SPECC1L: variants seen among roughly 807,000 people sequenced by gnomAD.
SPECC1L encodes the protein sperm antigen with calponin homology and coiled-coil domains 1 like, also known as cytospin-A.
A neutral mutation model predicts 116.8 loss-of-function variants in SPECC1L; 40 were observed. That is an observed-to-expected ratio of 0.34 (90% confidence interval 0.27 to 0.45). SPECC1L has a LOEUF of 0.45. Ranked by LOEUF, SPECC1L falls within the 20% of genes least tolerant of loss-of-function variation. The pLI, the probability that SPECC1L is intolerant of heterozygous loss-of-function variation, is 1.00. For synonymous variants in SPECC1L, 504 were observed against 500.6 expected, an observed-to-expected ratio of 1.01 and a Z score of -0.09; for missense variants, 1,110 against 1,373.6, an observed-to-expected ratio of 0.81 and a Z score of 3.03.
chr22:24,334,521 G>A lies in SPECC1L; in HGVS notation c.2508G>A (p.Glu836=). 1 of 1,614,184 alleles carries A rather than the reference G, an allele frequency of 6.2e-7. No individual in the cohort carries two copies. Among genetic ancestry groups the A allele is most frequent in the Middle Eastern group, 1.6e-4 (1 of 6,062 alleles). Residue 836 remains glutamate, a synonymous_variant, in exon 9 of 17, where the codon GAG becomes GAA. Transcript: ENST00000314328. The stretch of plus-strand genomic sequence containing the variant: ...GTAGAAGGTCCTCGACTTCCTCAGA[G>A]CCAACTCCTACAGTAAAAACCCTCA... The part of the protein sequence containing the change: ...GLSRRSSTSS[E]PTPTVKTLIK...
Position 24,346,111 on chromosome 22 carries a change from AT to A in SPECC1L, c.2653-973del, listed in dbSNP as rs1393901075. 2.0e-5 allele frequency among the ~76,000 whole-genome samples: 3 copies of A among 150,974 alleles called. No homozygotes were observed. In the East Asian group the frequency reaches 5.9e-4, roughly 29 times the overall value. On this transcript the variant is annotated intron_variant, in intron 10 of 16. Coordinates refer to ENST00000314328, the MANE Select transcript of SPECC1L (RefSeq NM_015330.6). ...AACCTCCGCCTCTCGGCTTCAAGTG[AT>A]TCTCCTGCCTCAGCCTCCCAAGTAG...
chr22:24,322,895 C>G lies in SPECC1L; in HGVS notation c.1915C>G (p.Arg639Gly). Residue 639 changes from arginine to glycine, a missense_variant, in exon 5 of 17, where the codon CGA becomes GGA. Physicochemically the swap from Arg to Gly is moderately radical, Grantham distance 125 (BLOSUM62 -2). Around this residue, in one of 4 missense-constraint regions of SPECC1L, gnomAD observed 575 missense variants for 682.4 expected, o/e 0.84. Transcript: ENST00000314328. ...DLAHTRNDANRLQDAIAKVED... is the reference protein window; with the variant it reads ...DLAHTRNDANGLQDAIAKVED... The stretch of plus-strand genomic sequence containing the variant: ...GGCTCATACCCGAAATGATGCCAAT[C>G]GATTACAGGATGCCATTGCTAAGGT... 2 of 1,613,786 alleles carry G rather than the reference C, an allele frequency of 1.2e-6. No individual in the cohort carries two copies. Among genetic ancestry groups the G allele is most frequent in the South Asian group, 1.1e-5 (1 of 91,038 alleles).
intron 11 of SPECC1L, among the ~76,000 whole-genome samples, chr22:24,360,949 G>T (rs916825424): frequency 2.0e-5 from 3 of 152,130 alleles, no homozygotes; most frequent in Admixed American, 6.5e-5. Flanking sequence ...GCTTGCTTAT[G>T]GGTTGTTTAC....
At chr22:24,313,541 G>T (rs1353245350) in intron 4 of SPECC1L, 75 bp downstream of exon 4, 6 of 1,543,718 alleles carry the variant, frequency 3.9e-6, no homozygotes, top group Non-Finnish European at 5.4e-6. Context: ...TGTTTACAGT[G>T]TTCCATCTAA....
intron 1 of SPECC1L, among the ~76,000 whole-genome samples, chr22:24,272,990 C>T (rs138090154): frequency 4.7e-4 from 71 of 152,200 alleles, no homozygotes; most frequent in Non-Finnish European, 8.1e-4. Context: ...CACAGGTGCA[C>T]GTTGGTAGCC....
At chr22:24,346,938 C>G in intron 10 of SPECC1L, 148 bp from the exon 11 acceptor site, 1 of 699,122 alleles carries the variant, frequency 1.4e-6, no homozygotes, top group South Asian at 1.6e-5. Context: ...GATCACAGTC[C>G]ATGCCTGTAA....
intron 14 of SPECC1L, among the ~76,000 whole-genome samples, chr22:24,369,891 G>A (rs2041840632): frequency 6.6e-6 from 1 of 152,226 alleles, no homozygotes; most frequent in Admixed American, 6.5e-5. Flanking sequence ...AGGGAAACCT[G>A]TAGAATTCAT....
chr22:24,329,807 T>C (rs533190282), intron 7 of SPECC1L, among the ~76,000 whole-genome samples: 2 of 152,232 alleles, frequency 1.3e-5, no homozygotes, highest in East Asian at 3.8e-4. Flanking sequence ...CTTTTGATTT[T>C]TTTTTTTCCT....
intron 10 of SPECC1L, among the ~76,000 whole-genome samples, chr22:24,342,008 C>A (rs756898867): frequency 2.0e-5 from 3 of 152,194 alleles, no homozygotes; most frequent in Non-Finnish European, 2.9e-5. Context: ...AGGCACTCCG[C>A]TAAGCTTTCT....
At chr22:24,343,977 T>G (rs925147203) in intron 10 of SPECC1L, among the ~76,000 whole-genome samples, 2 of 152,136 alleles carry the variant, frequency 1.3e-5, no homozygotes, top group Non-Finnish European at 1.5e-5. Flanking sequence ...ATAAAAAGGC[T>G]TCCCACATAG....
At chr22:24,387,985 TC>T (rs2042192107) in intron 14 of SPECC1L, among the ~76,000 whole-genome samples, 2 of 152,298 alleles carry the variant, frequency 1.3e-5, no homozygotes, top group South Asian at 4.1e-4. Context: ...ATTGCATCAC[TC>T]TGACCATAGG....
intron 7 of SPECC1L, 67 bp from the exon 8 acceptor site, chr22:24,330,185 CAAAT>C: frequency 6.5e-7 from 1 of 1,529,446 alleles, no homozygotes; most frequent in East Asian, 2.2e-5. Context: ...CAATCATAAA[CAAAT>C]TTTATTGCTT....
At chr22:24,323,153 G>A (rs1387308273) in intron 5 of SPECC1L, 4 of 959,402 alleles carry the variant, frequency 4.2e-6, no homozygotes, top group Non-Finnish European at 5.0e-6. Context: ...GCCTGTGAGA[G>A]GATATGGCTG....
intron 6 of SPECC1L, among the ~76,000 whole-genome samples, chr22:24,327,175 G>A (rs752752231): frequency 6.6e-6 from 1 of 151,200 alleles, no homozygotes; most frequent in Non-Finnish European, 1.5e-5. Flanking sequence ...CTCCACAGGA[G>A]GCTGAGGCAG....
At chr22:24,307,021 A>G (rs757593831) in intron 3 of SPECC1L, among the ~76,000 whole-genome samples, 1 of 152,158 alleles carries the variant, frequency 6.6e-6, no homozygotes, top group African/African-American at 2.4e-5. Flanking sequence ...CATTGTATGT[A>G]TATGCTATAT....
intron 14 of SPECC1L, among the ~76,000 whole-genome samples, chr22:24,382,619 C>T (rs1334404906): frequency 6.8e-6 from 1 of 146,432 alleles, no homozygotes; most frequent in East Asian, 2.1e-4. Flanking sequence ...AAGAGAATGG[C>T]GTGAACCCAG....
intron 16 of SPECC1L, among the ~76,000 whole-genome samples, chr22:24,413,747 A>G (rs1012353895): frequency 4.6e-5 from 7 of 152,284 alleles, no homozygotes; most frequent in African/African-American, 1.4e-4. Flanking sequence ...AAAAGCTTCT[A>G]TAGTCAAGAT....
intron 2 of SPECC1L, among the ~76,000 whole-genome samples, chr22:24,284,118 C>T (rs2048997156): frequency 6.6e-6 from 1 of 152,046 alleles, no homozygotes; most frequent in African/African-American, 2.4e-5. Flanking sequence ...CTTCTCCATA[C>T]TTTGTGTTTC....
intron 4 of SPECC1L, among the ~76,000 whole-genome samples, chr22:24,318,529 G>A (rs1450381745): frequency 6.6e-6 from 1 of 152,212 alleles, no homozygotes; most frequent in African/African-American, 2.4e-5. Flanking sequence ...GGAGAGGGGA[G>A]AGGGAGAGCC....
Sources: allele counts gnomAD v4.1 joint callset (sites outside exome capture counted in the v4.1 genomes callset), GRCh38; gene constraint gnomAD v4.1.1; regional missense constraint gnomAD v4.1.1; transcripts MANE v1.5; gene names NCBI Gene and HGNC (gene_info 2026-07-23, HGNC 2026-07-21).